The following PCDH11X variants were observed in gnomAD, a reference collection of about 807,000 sequenced individuals.
The protein encoded by PCDH11X is protocadherin 11 X-linked.
PCDH11X carries 18 observed loss-of-function variants against 53.3 expected under a neutral mutation model. That is an observed-to-expected ratio of 0.34 (90% CI 0.23 to 0.50). The LOEUF is 0.50. PCDH11X is among the 20% of genes least tolerant of loss of function. The pLI is 0.98. For missense variants in PCDH11X, 570 were observed against 1,032.4 expected (o/e 0.55, Z 6.14); for synonymous variants, 279 against 393.3 (o/e 0.71, Z 3.44).
intron 6 of PCDH11X, among the ~76,000 whole-genome samples, chrX:92,188,704 AAAAGT>A (rs908810729): frequency 1.8e-5 from 2 of 111,977 alleles, no homozygotes; most frequent in African/African-American, 6.5e-5. Context: ...TAAAAGTCTT[AAAAGT>A]AAAGTGAAGC....
Position 92,218,408 on chromosome X carries a change from A to C in PCDH11X, c.3114+16953A>C, listed in dbSNP as rs1244537356. On this transcript the variant is annotated intron_variant, in intron 7 of 10. Transcript: ENST00000682573. ...GAAATCCAAACTACCATCAGAGAAT[A>C]CTACAAACACCTCTATGAAAATAAA... is the stretch of plus-strand genomic sequence containing the variant. 3.6e-5 allele frequency among the ~76,000 whole-genome samples: 4 copies of C among 111,735 alleles called. No individual in the cohort carries two copies. The East Asian group carries it at 8.4e-4, about 23-fold the overall frequency.
intron 8 of PCDH11X, among the ~76,000 whole-genome samples, chrX:92,369,638 G>T (rs1485099667): frequency 9.0e-6 from 1 of 111,197 alleles, no homozygotes; most frequent in African/African-American, 3.3e-5. Flanking sequence ...GGGCCCTGGT[G>T]GTATAGGCAC....
At chrX:92,262,495 G>GA (rs765265518) in intron 7 of PCDH11X, among the ~76,000 whole-genome samples, 2 of 110,371 alleles carry the variant, frequency 1.8e-5, no homozygotes, top group African/African-American at 3.3e-5. Context: ...GGTTGAGGGA[G>GA]AAAAAAAAGT....
chrX:92,258,854 G>A (rs1452736295), intron 7 of PCDH11X, among the ~76,000 whole-genome samples: 2 of 111,926 alleles, frequency 1.8e-5, no homozygotes, highest in Non-Finnish European at 3.8e-5. Context: ...GTTAGAAGCA[G>A]CAAGGCAACA....
intron 10 of PCDH11X, among the ~76,000 whole-genome samples, chrX:92,602,207 T>TA (rs1926307840): frequency 9.0e-6 from 1 of 110,843 alleles, no homozygotes; most frequent in East Asian, 2.9e-4. Flanking sequence ...TGGAGCAAAG[T>TA]ATGGGGGAAG....
chrX:92,588,239 TTAAAA>T (rs1369637670), intron 10 of PCDH11X, among the ~76,000 whole-genome samples: 3 of 92,292 alleles, frequency 3.3e-5, no homozygotes, highest in African/African-American at 1.2e-4. Context: ...AAATATATAT[TTAAAA>T]TAATATTTTA....
At chrX:92,582,388 G>T (rs1226520655) in intron 10 of PCDH11X, among the ~76,000 whole-genome samples, 1 of 111,027 alleles carries the variant, frequency 9.0e-6, no homozygotes, top group Non-Finnish European at 1.9e-5. Context: ...AAGGGACCAA[G>T]ATACAGCTTT....
intron 6 of PCDH11X, among the ~76,000 whole-genome samples, chrX:92,043,628 C>T (rs1329488519): frequency 3.0e-5 from 3 of 101,055 alleles, no homozygotes; most frequent in Non-Finnish European, 5.9e-5. Flanking sequence ...AATATAATGT[C>T]TTGGCTGCTG....
intron 10 of PCDH11X, among the ~76,000 whole-genome samples, chrX:92,520,145 T>G (rs184944971): frequency 1.3e-3 from 139 of 109,930 alleles, no homozygotes; most frequent in African/African-American, 4.4e-3. Context: ...ATTTATAGAA[T>G]AAGCATACCT....
At chrX:92,180,583 T>C (rs2065979960) in intron 6 of PCDH11X, among the ~76,000 whole-genome samples, 1 of 111,427 alleles carries the variant, frequency 9.0e-6, no homozygotes, top group Non-Finnish European at 1.9e-5. Flanking sequence ...CCACCTAATA[T>C]GGTTTGGCTG....
At chrX:91,880,229 T>C (rs926379873) in intron 6 of PCDH11X, among the ~76,000 whole-genome samples, 8 of 111,406 alleles carry the variant, frequency 7.2e-5, no homozygotes, top group Non-Finnish European at 1.5e-4. Flanking sequence ...TTGTTCCCTT[T>C]AAAAAGACAA....
intron 8 of PCDH11X, among the ~76,000 whole-genome samples, chrX:92,330,657 C>T (rs998460779): frequency 7.2e-5 from 8 of 111,042 alleles, no homozygotes; most frequent in African/African-American, 2.3e-4. Flanking sequence ...TAGGCACATC[C>T]CAAGTGTCCA....
At chrX:92,617,098 T>C (rs1206510828) in intron 10 of PCDH11X, among the ~76,000 whole-genome samples, 1 of 111,637 alleles carries the variant, frequency 9.0e-6, no homozygotes, top group Non-Finnish European at 1.9e-5. Context: ...GGTGTCAACC[T>C]TACTGTTTCT....
In PCDH11X at chrX:91,781,313, A is replaced by AG. The variant is rs751790762; in HGVS notation, c.-379+1636dup. On this transcript the variant is annotated intron_variant, in intron 1 of 10. Transcript: ENST00000682573. ...GGTTGAAAATCCGGGTAGAAGGGGG[A>AG]GGGGGGGCAGCAAAGATGGGGAGGA... 9.1e-3 allele frequency among the ~76,000 whole-genome samples: 789 copies of AG among 86,991 alleles called. 5 individuals are homozygous for AG. Among genetic ancestry groups the AG allele is most frequent in the African/African-American group, 0.027 (645 of 23,695 alleles). The allele number at this position is 86,991 out of a possible 115,157, so 75.5% of individuals were successfully genotyped here. A position where few individuals can be genotyped will look rare whatever the true frequency, so the allele number is the denominator to read the frequency against.
intron 10 of PCDH11X, among the ~76,000 whole-genome samples, chrX:92,579,724 C>T (rs1923421440): frequency 9.0e-6 from 1 of 111,663 alleles, no homozygotes. Flanking sequence ...TATTACCTAC[C>T]TTCTGAAACC....
rs188353298 is a variant in PCDH11X at position 91,955,942 on chromosome X, C to T, written c.3033+76669C>T. On this transcript the variant is annotated intron_variant, in intron 6 of 10. Transcript: ENST00000682573. Reference sequence around the variant, plus strand: ...CACTTGCTTTATGAACCTGGGTGTTCCTATATTGGGTTCATATATATTTAG... The same window carrying T: ...CACTTGCTTTATGAACCTGGGTGTTTCTATATTGGGTTCATATATATTTAG... Among the ~76,000 whole-genome samples, 220 of 109,895 alleles carry T rather than the reference C, an allele frequency of 2.0e-3. 1 individual carries two copies. The highest frequency in any genetic ancestry group is 7.2e-3 in the African/African-American group (215 of 29,770).
intron 10 of PCDH11X, among the ~76,000 whole-genome samples, chrX:92,513,780 AT>A (rs774649191): frequency 2.7e-4 from 30 of 111,458 alleles, no homozygotes; most frequent in African/African-American, 9.1e-4. Context: ...ATACCAGGAA[AT>A]TCACCTATTA....
intron 6 of PCDH11X, among the ~76,000 whole-genome samples, chrX:91,917,569 C>CA (rs59199030): frequency 0.5 from 7,901 of 15,849 alleles, 2,725 homozygotes; most frequent in Middle Eastern, 1. Flanking sequence ...ACAGCAGCTG[C>CA]AAAAAAAAAA....
chrX:92,035,146 T>C (rs762298407), intron 6 of PCDH11X, among the ~76,000 whole-genome samples: 21 of 111,848 alleles, frequency 1.9e-4, no homozygotes, highest in Middle Eastern at 4.6e-3. Context: ...TGTTTAGCCT[T>C]TCTACTTAGG....
Sources: allele counts gnomAD v4.1 joint callset (sites outside exome capture counted in the v4.1 genomes callset), GRCh38; gene constraint gnomAD v4.1.1; transcripts MANE v1.5; gene names NCBI Gene and HGNC (gene_info 2026-07-23, HGNC 2026-07-21).